Variants in XYLB observed in about 807,000 individuals in gnomAD.
XYLB encodes the protein xylulose kinase.
XYLB carries 62 observed loss-of-function variants against 78.7 expected under a neutral mutation model. The ratio of observed to expected loss-of-function variants is 0.79; its 90% CI spans 0.64 to 0.97. The LOEUF (loss-of-function observed/expected upper bound fraction) is 0.97. Among genes scored for constraint, XYLB ranks in the 50% least tolerant of loss-of-function variants. The pLI, the probability that XYLB is intolerant of heterozygous loss-of-function variation, is 0.00. For missense variants in XYLB, 687 were observed against 676.8 expected (o/e 1.02, Z -0.17); for synonymous variants, 245 against 247.4 (o/e 0.99, Z 0.09).
At chr3:38,391,651 C>T (rs1476165459) in intron 15 of XYLB, among the ~76,000 whole-genome samples, 2 of 152,160 alleles carry the variant, frequency 1.3e-5, no homozygotes, top group African/African-American at 2.4e-5. Flanking sequence ...AAAACTTAAT[C>T]CCCAATGTGA....
intron 17 of XYLB, among the ~76,000 whole-genome samples, chr3:38,397,494 G>A (rs1194492158): frequency 6.6e-6 from 1 of 152,170 alleles, no homozygotes; most frequent in Non-Finnish European, 1.5e-5. Flanking sequence ...AGGAGAGGTG[G>A]ACAAAGTCCA....
chr3:38,409,004 G>C (rs1708457728), intron 18 of XYLB, among the ~76,000 whole-genome samples: 1 of 152,102 alleles, frequency 6.6e-6, no homozygotes, highest in Non-Finnish European at 1.5e-5. Context: ...CCAATCAATA[G>C]AAAAAGAGGG....
At chr3:38,436,497 GAACT>G in the XYLB span, among the ~76,000 whole-genome samples, 1 of 152,100 alleles carries the variant, frequency 6.6e-6, no homozygotes, top group African/African-American at 2.4e-5. Flanking sequence ...AAATGTAAAA[GAACT>G]AATACCAACC....
At chr3:38,377,281 C>T (rs939855700) in intron 14 of XYLB, among the ~76,000 whole-genome samples, 2 of 151,964 alleles carry the variant, frequency 1.3e-5, no homozygotes, top group Non-Finnish European at 1.5e-5. Context: ...ATTTCCTTGG[C>T]GAGTTTTATC....
At chr3:38,407,903 A>C (rs1182198476) in intron 18 of XYLB, among the ~76,000 whole-genome samples, 1 of 151,712 alleles carries the variant, frequency 6.6e-6, no homozygotes, top group Non-Finnish European at 1.5e-5. Flanking sequence ...AGTGACCTAC[A>C]AAGAGACTTA....
intron 2 of XYLB, among the ~76,000 whole-genome samples, chr3:38,358,998 A>G (rs1575461626): frequency 2.0e-5 from 3 of 152,240 alleles, no homozygotes; most frequent in Admixed American, 6.5e-5. Context: ...ACTCCAACGC[A>G]CCAGCACTAG....
intron 18 of XYLB, among the ~76,000 whole-genome samples, chr3:38,412,151 C>A (rs1708621069): frequency 6.6e-6 from 1 of 152,052 alleles, no homozygotes; most frequent in Admixed American, 6.6e-5. Flanking sequence ...CCACCACACC[C>A]AGCTAATTTT....
chr3:38,394,254 G>A (rs552113856), intron 15 of XYLB, among the ~76,000 whole-genome samples: 1 of 151,946 alleles, frequency 6.6e-6, no homozygotes, highest in Non-Finnish European at 1.5e-5. Flanking sequence ...CTTTGTTAAG[G>A]TATTCCCTTA....
At chr3:38,388,169 G>GTTTTTTTTTTT (rs71085320) in intron 15 of XYLB, among the ~76,000 whole-genome samples, 54 of 109,136 alleles carry the variant, frequency 4.9e-4, no homozygotes, top group African/African-American at 1.7e-3. Context: ...GTTTTTTTTT[G>GTTTTTTTTTTT]TTTTTTTTTT....
intron 8 of XYLB, among the ~76,000 whole-genome samples, chr3:38,369,080 G>A (rs1274922697): frequency 2.6e-5 from 4 of 152,186 alleles, no homozygotes; most frequent in Non-Finnish European, 5.9e-5. Flanking sequence ...TGCAGGGCAG[G>A]AGCCCAGAGC....
At chr3:38,410,660 TC>T (rs1708539246) in intron 18 of XYLB, among the ~76,000 whole-genome samples, 2 of 152,100 alleles carry the variant, frequency 1.3e-5, no homozygotes, top group African/African-American at 4.8e-5. Flanking sequence ...ATATCCAGAA[TC>T]TACAATGAAC....
intron 9 of XYLB, 117 bp downstream of exon 9, chr3:38,370,291 AC>A: frequency 1.5e-6 from 1 of 686,894 alleles, no homozygotes; most frequent in Non-Finnish European, 2.5e-6. Context: ...TTATTTGTTC[AC>A]TCACCCACAG....
intron 6 of XYLB, among the ~76,000 whole-genome samples, chr3:38,366,139 A>G (rs972308898): frequency 1.3e-5 from 2 of 152,030 alleles, no homozygotes; most frequent in African/African-American, 4.8e-5. Flanking sequence ...AAAAAAAATA[A>G]TAGTGTCTCT....
At chr3:38,416,034 G>A (rs913131789), downstream of XYLB, among the ~76,000 whole-genome samples, 6 of 152,100 alleles carry the variant, frequency 3.9e-5, no homozygotes, top group African/African-American at 1.2e-4. Flanking sequence ...ACAGCTTGGG[G>A]GAAACCACCC....
chr3:38,438,716 CG>C, the XYLB span, among the ~76,000 whole-genome samples: 43 of 152,290 alleles, frequency 2.8e-4, no homozygotes, highest in African/African-American at 9.6e-4. Context: ...GCTTCCACAG[CG>C]TGGAAGGAAA....
chr3:38,362,661 C>A lies in XYLB; in HGVS notation c.211-276C>A, dbSNP rs568808624. 3.3e-5 allele frequency among the ~76,000 whole-genome samples: 5 copies of A among 150,782 alleles called. No individual in the cohort carries two copies. The East Asian group carries it at 9.7e-4, about 29-fold the overall frequency. On this transcript the variant is annotated intron_variant, in intron 3 of 18. Coordinates refer to ENST00000207870, the MANE Select transcript of XYLB (RefSeq NM_005108.4). ...TGGGAACCAGAGCGAGACCCTGTCT[C>A]GAAGAAAAAAAAATGGAGAAGTAAA...
intron 3 of XYLB, 143 bp from the exon 4 acceptor site, chr3:38,362,794 T>C (rs755660262): frequency 1.8e-5 from 10 of 557,446 alleles, no homozygotes; most frequent in Non-Finnish European, 2.6e-5. Flanking sequence ...CTCTAGTGCT[T>C]ACAAATCCCA....
At chr3:38,410,070 C>T (rs894306609) in intron 18 of XYLB, among the ~76,000 whole-genome samples, 12 of 152,092 alleles carry the variant, frequency 7.9e-5, no homozygotes, top group Non-Finnish European at 1.8e-4. Flanking sequence ...GAGCCCGCAT[C>T]GCCAAGTCAA....
rs1553653426 is a variant in XYLB, at chr3:38,370,237, A to AAC, written c.765+63_765+64insAC. ...CTGGCAGCTACCAGGGAAGCACTGT[A>AAC]GCGCACACACACACACACACACACA... On this transcript the variant is annotated intron_variant, in intron 9 of 18. Coordinates refer to ENST00000207870, the MANE Select transcript of XYLB (RefSeq NM_005108.4). 1.8e-5 allele frequency: 6 copies of AAC among 339,164 alleles called. No individual in the cohort carries two copies. The East Asian group carries it at 2.8e-4, about 16-fold the overall frequency. The allele number at this position is 339,164 out of a possible 1,614,324, so 21.0% of individuals were successfully genotyped here.
Sources: allele counts gnomAD v4.1 joint callset (sites outside exome capture counted in the v4.1 genomes callset), GRCh38; gene constraint gnomAD v4.1.1; transcripts MANE v1.5; gene names NCBI Gene and HGNC (gene_info 2026-07-23, HGNC 2026-07-21).